STK35: variants seen among roughly 807,000 people sequenced by gnomAD.
STK35 encodes serine/threonine kinase 35, also known as serine/threonine-protein kinase 35.
A neutral mutation model predicts 37.3 loss-of-function variants in STK35; 17 were observed. The ratio of observed to expected loss-of-function variants is 0.46; its 90% CI spans 0.31 to 0.68. STK35 has a LOEUF of 0.68. STK35 is among the 30% of genes least tolerant of loss of function. STK35 has a pLI of 0.05. For missense variants in STK35, 595 were observed against 746.7 expected (o/e 0.80, Z 2.37); for synonymous variants, 385 against 319.1 (o/e 1.21, Z -2.20).
At chr20:2,123,734 G>A (rs535669979) in intron 3 of STK35, among the ~76,000 whole-genome samples, 1 of 152,178 alleles carries the variant, frequency 6.6e-6, no homozygotes, top group Non-Finnish European at 1.5e-5. Context: ...TTTTAAAATC[G>A]TTTTAGGTGA....
chr20:2,102,486 A>G (rs1985413672), intron 1 of STK35, among the ~76,000 whole-genome samples: 2 of 152,246 alleles, frequency 1.3e-5, no homozygotes, highest in South Asian at 4.1e-4. Flanking sequence ...GGTTTTCAGA[A>G]GGCGTGAAGC....
chr20:2,122,378 C>T (rs1392998527), intron 3 of STK35, among the ~76,000 whole-genome samples: 1 of 152,172 alleles, frequency 6.6e-6, no homozygotes, highest in Non-Finnish European at 1.5e-5. Context: ...CACTTGACCC[C>T]TATACCACCA....
Position 2,144,152 on chromosome 20 carries a change from G to C in STK35, c.*406G>C. On this transcript the variant is annotated 3_prime_UTR_variant, in exon 4 of 4. Transcript: ENST00000381482. The stretch of plus-strand genomic sequence containing the variant: ...TGGTTTTGTCCTTCACTTTCCCTCT[G>C]TCTTCCTTCTTTATACTTTTCTCAG... The C allele has an allele frequency of 3.3e-6, 1 of 306,704 alleles. No individual in the cohort carries two copies. The highest frequency in any genetic ancestry group is 2.5e-5 in the South Asian group (1 of 39,680). The allele number at this position is 306,704 out of a possible 1,614,324, so 19.0% of individuals were successfully genotyped here.
rs1190037712 is a variant in STK35, at chr20:2,117,498, G to A, written c.*37+83G>A. 6.7e-6 allele frequency: 5 copies of A among 741,642 alleles called. No individual in the cohort carries two copies. The East Asian group carries it at 1.1e-4, about 16-fold the overall frequency. 45.9% of individuals were successfully genotyped at this position (741,642 alleles called of 1,614,324 possible). ...TTGGTCAGGCTGGGGTGCAGCGGGT[G>A]CAGTGGCAGGATCTCAGCTCACTGC... On this transcript the variant is annotated intron_variant, in intron 3 of 3. Coordinates refer to ENST00000381482, the MANE Select transcript of STK35 (RefSeq NM_080836.4). The surrounding 1 kb of genome is among the most constrained non-coding windows in gnomAD (Gnocchi z 4.4).
rs1986243189 is a variant in STK35 at position 2,145,309 on chromosome 20, G to T, written c.*1563G>T. The T allele has an allele frequency of 6.6e-6, 1 of 152,340 alleles. No individual in the cohort carries two copies. Among genetic ancestry groups the T allele is most frequent in the Admixed American group, 6.5e-5 (1 of 15,286 alleles). The allele number at this position is 152,340 out of a possible 1,614,324, so 9.4% of individuals were successfully genotyped here. Reference sequence around the variant, plus strand: ...GGCCAAATAGTATAGGGCCACTGGGGAGGGGGAAGGGAATCATTTTGTGTT... The same window carrying T: ...GGCCAAATAGTATAGGGCCACTGGGTAGGGGGAAGGGAATCATTTTGTGTT... On this transcript the variant is annotated 3_prime_UTR_variant, in exon 4 of 4. Transcript: ENST00000381482.
chr20:2,101,974 C>G lies in STK35; in HGVS notation c.93C>G (p.His31Gln). The G allele has an allele frequency of 6.6e-7, 1 of 1,524,528 alleles. No homozygotes were observed. Among genetic ancestry groups the G allele is most frequent in the South Asian group, 1.2e-5 (1 of 83,408 alleles). The allele number at this position is 1,524,528 out of a possible 1,614,324, so 94.4% of individuals were successfully genotyped here. The change falls in exon 1 of 4, where the codon CAC (histidine) becomes CAG (glutamine). Residue 31 changes from histidine (H) to glutamine (Q), a missense_variant. Transcript: ENST00000381482. ...GTAAAGGGCTCAGCTGGCGCGAACA[C>G]GTGGAAAGCCACGGGAGCCTAGGAG... ...RLCKGLSWRE[H>Q]VESHGSLGAQ...
intron 3 of STK35, among the ~76,000 whole-genome samples, chr20:2,120,158 A>G (rs533296139): frequency 6.6e-6 from 1 of 152,294 alleles, no homozygotes; most frequent in Admixed American, 6.5e-5. Flanking sequence ...TTGCTCTGGC[A>G]TAGGAAGGTT....
intron 3 of STK35, among the ~76,000 whole-genome samples, chr20:2,127,748 GTCCT>G (rs1334463405): frequency 6.6e-6 from 1 of 152,096 alleles, no homozygotes; most frequent in African/African-American, 2.4e-5. Context: ...CTGCTCTGGA[GTCCT>G]GTAAGCAGGA....
intron 3 of STK35, among the ~76,000 whole-genome samples, chr20:2,123,595 A>T (rs1985854699): frequency 6.6e-6 from 1 of 152,220 alleles, no homozygotes; most frequent in Non-Finnish European, 1.5e-5. Context: ...ATTACACGCA[A>T]CTGTGTTGTT....
At chr20:2,136,179 G>A (rs1194399822) in intron 3 of STK35, among the ~76,000 whole-genome samples, 1 of 152,198 alleles carries the variant, frequency 6.6e-6, no homozygotes, top group Non-Finnish European at 1.5e-5. Context: ...TGAAACAGAT[G>A]TATTTGCCAA....
intron 3 of STK35, among the ~76,000 whole-genome samples, chr20:2,118,624 C>T (rs891550165): frequency 6.6e-6 from 1 of 152,172 alleles, no homozygotes; most frequent in African/African-American, 2.4e-5. Context: ...TTGTGAAGTA[C>T]AGTCATGCTC....
In STK35 at chr20:2,117,138, C is replaced by T. The variant is rs61729222; in HGVS notation, c.1365C>T (p.Asp455=). 465 of 1,613,894 alleles carry T rather than the reference C, an allele frequency of 2.9e-4. 2 individuals carry two copies. In the African/African-American group the frequency reaches 5.6e-3, roughly 19 times the overall value. ...TGATAGAAAGAATCACTTTTATTGA[C>T]TCTGAGACCAAGAAGGAGCTCCTGG... ...WAMIERITFI[D]SETKKELLGT... is the part of the protein sequence containing the mutation. Residue 455 remains aspartate (D), a synonymous_variant, in exon 3 of 4, where the codon GAC becomes GAT. Coordinates refer to ENST00000381482, the MANE Select transcript of STK35 (RefSeq NM_080836.4). The surrounding 1 kb of genome is among the most constrained non-coding windows in gnomAD (Gnocchi z 4.4).
chr20:2,128,316 G>A (rs1057039825), intron 3 of STK35, among the ~76,000 whole-genome samples: 1 of 152,116 alleles, frequency 6.6e-6, no homozygotes, highest in East Asian at 1.9e-4. Flanking sequence ...CTTGGACCTA[G>A]GTGTGAGAAT....
At chr20:2,119,596 G>A (rs1985780886) in intron 3 of STK35, among the ~76,000 whole-genome samples, 1 of 152,256 alleles carries the variant, frequency 6.6e-6, no homozygotes. Context: ...AAGGGATTAA[G>A]TAATTTACCC....
chr20:2,102,127 G>T lies in STK35; in HGVS notation c.246G>T (p.Gly82=). ...PGPGADHPQA[G]APGGKRAARK... is the part of the protein sequence containing the mutation. ...CCGGAGCGGACCATCCCCAGGCAGG[G>T]GCTCCAGGGGGGAAACGGGCCGCCC... Residue 82 remains glycine, a synonymous_variant, in exon 1 of 4, where the codon GGG becomes GGT. Transcript: ENST00000381482. 2.8e-6 allele frequency: 4 copies of T among 1,406,658 alleles called. No homozygotes were observed. Among genetic ancestry groups the T allele is most frequent in the Non-Finnish European group, 3.7e-6 (4 of 1,080,092 alleles). 87.1% of individuals were successfully genotyped at this position (1,406,658 alleles called of 1,614,324 possible).
intron 3 of STK35, among the ~76,000 whole-genome samples, chr20:2,123,404 C>T (rs186539215): frequency 5.9e-5 from 9 of 152,290 alleles, no homozygotes; most frequent in African/African-American, 1.7e-4. Flanking sequence ...GGGTGACCTG[C>T]GTTGGCCCCT....
intron 2 of STK35, among the ~76,000 whole-genome samples, chr20:2,104,308 A>G (rs1985471907): frequency 6.6e-6 from 1 of 152,228 alleles, no homozygotes; most frequent in Non-Finnish European, 1.5e-5. Flanking sequence ...ATCCAGGGGA[A>G]GAAAGTTTAC....
chr20:2,105,854 CTGG>C (rs1343955455), intron 2 of STK35, among the ~76,000 whole-genome samples: 3 of 152,196 alleles, frequency 2.0e-5, no homozygotes, highest in Non-Finnish European at 4.4e-5. Flanking sequence ...GACAGAAACA[CTGG>C]TGTTTTCATC....
intron 3 of STK35, among the ~76,000 whole-genome samples, chr20:2,119,381 A>G (rs958305734): frequency 6.6e-6 from 1 of 152,220 alleles, no homozygotes; most frequent in Non-Finnish European, 1.5e-5. Context: ...TTAATGAGGA[A>G]GTAGGCATGT....
Sources: gnomAD v4.1 joint callset for allele counts (sites outside exome capture counted in the v4.1 genomes callset) on GRCh38, gnomAD v4.1.1 for gene constraint, Gnocchi (gnomAD v3.1) non-coding constraint, MANE v1.5 for transcripts, NCBI Gene and HGNC (gene_info 2026-07-23, HGNC 2026-07-21) for gene names.